MED1: variants seen among roughly 807,000 people sequenced by gnomAD.
The protein encoded by MED1 is mediator of RNA polymerase II transcription subunit 1.
Under a neutral mutation model 121.3 loss-of-function variants are expected in MED1, and 17 were observed. The observed-to-expected ratio is 0.14, with a 90% CI of 0.10 to 0.21. MED1 has a LOEUF of 0.21. Ranked by LOEUF, MED1 falls within the 10% of genes least tolerant of loss-of-function variation. MED1 has a pLI of 1.00. For synonymous variants in MED1, 661 were observed against 694.4 expected (o/e 0.95, Z 0.76); for missense variants, 1,558 against 1,919.4 (o/e 0.81, Z 3.52).
At position 39,407,419 on chromosome 17, in the gene MED1, A is replaced by T. The variant is rs562242882; in HGVS notation, c.*56T>A. The T allele has an allele frequency of 2.0e-6, 3 of 1,529,834 alleles. No individual in the cohort carries two copies. In the Admixed American group the frequency reaches 6.5e-5, roughly 33 times the overall value. 94.8% of individuals were successfully genotyped at this position (1,529,834 alleles called of 1,614,324 possible). On this transcript the variant is annotated 3_prime_UTR_variant, in exon 17 of 17. Coordinates refer to ENST00000300651, the MANE Select transcript of MED1 (RefSeq NM_004774.4). ...TCACCCCTTATGGTGGTTTGCCTAT[A>T]AACTTATCAATAGTTTTTTTTCCTC...
chr17:39,405,966 T>C lies in MED1; in HGVS notation c.*1509A>G, dbSNP rs1215399048. Reference sequence around the variant, plus strand: ...TGGGGACCATGCCCCATCCCGCTGATACAGATCCTGAATGGAATAATCAGG... The same window carrying C: ...TGGGGACCATGCCCCATCCCGCTGACACAGATCCTGAATGGAATAATCAGG... On this transcript the variant is annotated 3_prime_UTR_variant, in exon 17 of 17. Coordinates refer to ENST00000300651, the MANE Select transcript of MED1 (RefSeq NM_004774.4). 6 of 985,522 alleles carry C rather than the reference T, an allele frequency of 6.1e-6. No homozygotes were observed. Among genetic ancestry groups the C allele is most frequent in the Non-Finnish European group, 7.2e-6 (6 of 830,000 alleles). 61.0% of individuals were successfully genotyped at this position (985,522 alleles called of 1,614,324 possible).
In MED1 at chr17:39,451,066, G is replaced by C. The variant is rs190593315; in HGVS notation, c.-4C>G. The C allele has an allele frequency of 1.2e-6, 2 of 1,609,540 alleles. No homozygotes were observed. Among genetic ancestry groups the C allele is most frequent in the African/African-American group, 2.7e-5 (2 of 74,588 alleles). ...CGGTTTCCCCCTGAGCTTTCATCCT[G>C]AAGGCGAGGAGAAGCTAGATCCGCC... On this transcript the variant is annotated 5_prime_UTR_variant, in exon 1 of 17. Transcript: ENST00000300651.
intron 9 of MED1, among the ~76,000 whole-genome samples, chr17:39,428,968 T>C (rs1453838166): frequency 2.0e-5 from 3 of 149,878 alleles, no homozygotes; most frequent in Non-Finnish European, 4.4e-5. Flanking sequence ...AAAAGACATA[T>C]GACAGAAGAT....
chr17:39,431,877 G>A, intron 8 of MED1, 65 bp downstream of exon 8: 1 of 1,118,628 alleles, frequency 8.9e-7, no homozygotes, highest in Non-Finnish European at 1.3e-6. Flanking sequence ...GTATAAAATA[G>A]GACCCTAATC....
At position 39,430,271 on chromosome 17, in the gene MED1, G is replaced by C. The variant is rs2048553365; in HGVS notation, c.649+844C>G. 2.0e-5 allele frequency among the ~76,000 whole-genome samples: 3 copies of C among 152,094 alleles called. No individual in the cohort carries two copies. In the South Asian group the frequency reaches 6.2e-4, roughly 32 times the overall value. On this transcript the variant is annotated intron_variant, in intron 9 of 16. Coordinates refer to ENST00000300651, the MANE Select transcript of MED1 (RefSeq NM_004774.4). ...GTGGTGGCACATGCCTGTAATCCCA[G>C]CTACTCGGGAGGCTGAGGCAGGAGA... is the stretch of plus-strand genomic sequence containing the variant.
chr17:39,421,259 A>G (rs1475591867), intron 13 of MED1, among the ~76,000 whole-genome samples: 7 of 148,846 alleles, frequency 4.7e-5, no homozygotes, highest in African/African-American at 1.7e-4. Flanking sequence ...AAAAGAAAAA[A>G]GAAAAGAAAA....
intron 1 of MED1, among the ~76,000 whole-genome samples, chr17:39,449,902 C>T (rs536253021): frequency 1.5e-4 from 23 of 150,704 alleles, no homozygotes; most frequent in African/African-American, 4.9e-4. Flanking sequence ...ACAACCTCCA[C>T]CTCCTGGGTT....
intron 13 of MED1, among the ~76,000 whole-genome samples, chr17:39,422,474 T>G (rs2048474937): frequency 7.0e-6 from 1 of 142,088 alleles, no homozygotes; most frequent in African/African-American, 2.7e-5. Flanking sequence ...GCCTCGTTTT[T>G]TTTTTTTTTT....
chr17:39,435,444 A>G (rs940070881), intron 6 of MED1, among the ~76,000 whole-genome samples: 4 of 152,120 alleles, frequency 2.6e-5, no homozygotes, highest in South Asian at 2.1e-4. Flanking sequence ...TAGGAATCCA[A>G]TACATCTCCA....
chr17:39,439,341 ATCT>A (rs2048650311), intron 5 of MED1, 148 bp from the exon 6 acceptor site: 1 of 562,794 alleles, frequency 1.8e-6, no homozygotes, highest in East Asian at 3.3e-5. Context: ...ATTAAAAAGC[ATCT>A]TCTTCCTACT....
In MED1 at chr17:39,423,607, T is replaced by C; in HGVS notation, c.976+90A>G. 12 of 1,553,312 alleles carry C rather than the reference T, an allele frequency of 7.7e-6. No individual in the cohort carries two copies. The South Asian group carries it at 7.9e-5, about 10-fold the overall frequency. On this transcript the variant is annotated intron_variant, in intron 12 of 16. Coordinates refer to ENST00000300651, the MANE Select transcript of MED1 (RefSeq NM_004774.4). ...TTACCAGTAATACTTCAATGAGGCA[T>C]GTAAGACTGAAAGACGTCATGATAA... is the stretch of plus-strand genomic sequence containing the variant.
Position 39,407,254 on chromosome 17 carries a change from G to A in MED1, c.*221C>T. On this transcript the variant is annotated 3_prime_UTR_variant, in exon 17 of 17. Coordinates refer to ENST00000300651, the MANE Select transcript of MED1 (RefSeq NM_004774.4). ...GTATTTTAACTTTCTTTCTGGCACA[G>A]GAACAAAGAAGACTTCCTGGTAACC... 1 of 1,127,888 alleles carries A rather than the reference G, an allele frequency of 8.9e-7. No homozygotes were observed. Among genetic ancestry groups the A allele is most frequent in the Non-Finnish European group, 1.1e-6 (1 of 934,404 alleles). The allele number at this position is 1,127,888 out of a possible 1,614,324, so 69.9% of individuals were successfully genotyped here. A position where few individuals can be genotyped will look rare whatever the true frequency, so the allele number is the denominator to read the frequency against.
intron 2 of MED1, 98 bp from the exon 3 acceptor site, chr17:39,443,726 G>C: frequency 1.1e-6 from 1 of 923,170 alleles, no homozygotes; most frequent in African/African-American, 1.6e-5. Flanking sequence ...TTGCAGGACA[G>C]TCTATAGACT....
rs752176628 is a variant in MED1, at chr17:39,415,121, A to G, written c.1404T>C (p.Asp468=). 6 of 1,613,862 alleles carry G rather than the reference A, an allele frequency of 3.7e-6. No homozygotes were observed. In the East Asian group the frequency reaches 1.3e-4, roughly 36 times the overall value. Residue 468 remains aspartate (D), a synonymous_variant, in exon 16 of 17, where the codon GAT becomes GAC. Transcript: ENST00000300651. ...VNDSLVCVVM[D]VQDSTHVSCK... ...AGCTCACATGTGTTGAGTCCTGCAC[A>G]TCCATTACCACTGAAAGACAAAATA...
At chr17:39,425,995 A>C (rs1197849519) in intron 10 of MED1, among the ~76,000 whole-genome samples, 2 of 151,952 alleles carry the variant, frequency 1.3e-5, no homozygotes, top group Non-Finnish European at 2.9e-5. Flanking sequence ...AGGCTGGTGC[A>C]CTGGCTCACA....
chr17:39,421,361 C>A (rs2048463258), intron 13 of MED1, among the ~76,000 whole-genome samples: 1 of 151,704 alleles, frequency 6.6e-6, no homozygotes, highest in Non-Finnish European at 1.5e-5. Flanking sequence ...ACCAATCTGG[C>A]CAACATGGTA....
At chr17:39,432,384 A>C (rs2048573439) in intron 7 of MED1, among the ~76,000 whole-genome samples, 1 of 151,494 alleles carries the variant, frequency 6.6e-6, no homozygotes, top group African/African-American at 2.4e-5. Context: ...ACATATATAC[A>C]TACAGACACA....
intron 10 of MED1, among the ~76,000 whole-genome samples, chr17:39,426,058 G>C (rs765518737): frequency 3.3e-5 from 5 of 152,106 alleles, no homozygotes; most frequent in Non-Finnish European, 5.9e-5. Flanking sequence ...CTTGAGCCCA[G>C]GACTTCGGGG....
Position 39,427,744 on chromosome 17 carries a change from C to T in MED1, c.696G>A (p.Leu232=), listed in dbSNP as rs1272938940. The T allele has an allele frequency of 6.2e-7, 1 of 1,605,276 alleles. No homozygotes were observed. Among genetic ancestry groups the T allele is most frequent in the East Asian group, 2.2e-5 (1 of 44,770 alleles). ...LKYYVSPSDL[L]DDKTASPIIL... ...TGATGGGAGATGCAGTCTTGTCATC[C>T]AGTAGGTCAGAAGGAGAGACATAGT... Residue 232 remains leucine, a synonymous_variant, in exon 10 of 17, where the codon CTG becomes CTA. Coordinates refer to ENST00000300651, the MANE Select transcript of MED1 (RefSeq NM_004774.4).
Sources: gnomAD v4.1 joint callset for allele counts (sites outside exome capture counted in the v4.1 genomes callset) on GRCh38, gnomAD v4.1.1 for gene constraint, MANE v1.5 for transcripts, NCBI Gene and HGNC (gene_info 2026-07-23, HGNC 2026-07-21) for gene names.